The following VPS8 variants were observed in gnomAD, a reference collection of about 807,000 sequenced individuals.
The protein encoded by VPS8 is VPS8 subunit of CORVET complex.
A neutral mutation model predicts 216.4 loss-of-function variants in VPS8; 129 were observed. The observed-to-expected ratio is 0.60, with a 90% CI of 0.52 to 0.69. The LOEUF (loss-of-function observed/expected upper bound fraction) is 0.69, where lower values mean the gene tolerates loss of function less well. Ranked by LOEUF, VPS8 falls within the 30% of genes least tolerant of loss-of-function variation. The pLI is 0.00. For synonymous variants in VPS8, 571 were observed against 565.4 expected (o/e 1.01, Z -0.14); for missense variants, 1,531 against 1,683.5 (o/e 0.91, Z 1.59).
In VPS8 at chr3:184,966,707, G is replaced by A. The variant is rs1161433749; in HGVS notation, c.3310G>A (p.Gly1104Ser). ...CAAACTTCAAGAGGTAACACATCAA[G>A]GTGAAAGTAAGTTCTTGAAAATAAT... ...QSKLQEVTHQ[G>S]ENTKEDPSLK... is the part of the protein sequence containing the mutation. The change falls in exon 39 of 48, where the codon GGT becomes AGT. Residue 1104 changes from glycine (G) to serine (S), a missense_variant. This residue lies in a region of VPS8 where 1,318 missense variants were observed against 1,468.4 expected (regional missense o/e 0.90). Coordinates refer to ENST00000625842, the MANE Select transcript of VPS8 (RefSeq NM_001009921.3). The A allele has an allele frequency of 6.3e-6, 10 of 1,585,570 alleles. No individual in the cohort carries two copies. The highest frequency in any genetic ancestry group is 1.2e-5 in the South Asian group (1 of 85,040).
intron 8 of VPS8, among the ~76,000 whole-genome samples, chr3:184,844,102 C>T (rs577156381): frequency 6.6e-6 from 1 of 152,102 alleles, no homozygotes; most frequent in African/African-American, 2.4e-5. Flanking sequence ...CTCCCTCGGT[C>T]CTAGAGAATA....
intron 34 of VPS8, among the ~76,000 whole-genome samples, chr3:184,933,678 T>A (rs1741106079): frequency 6.6e-6 from 1 of 152,110 alleles, no homozygotes; most frequent in Non-Finnish European, 1.5e-5. Context: ...GGAAGTCGAG[T>A]TAAGTTTTTA....
At chr3:184,925,687 CTAGGTCCATGGTATCGTATCAGGAAACT>C (rs1308716519) in intron 30 of VPS8, among the ~76,000 whole-genome samples, 2 of 151,952 alleles carry the variant, frequency 1.3e-5, no homozygotes, top group Admixed American at 6.5e-5. Context: ...CCATGCTTTG[CTAGGTCCATGGTATCGTATCAGGAAACT>C]TAAAGTTAAG....
intron 21 of VPS8, among the ~76,000 whole-genome samples, chr3:184,885,122 G>T (rs1240838971): frequency 2.0e-5 from 3 of 152,164 alleles, no homozygotes; most frequent in Non-Finnish European, 4.4e-5. Context: ...ATCCTTTTAG[G>T]ATTGTAGGTC....
chr3:184,868,069 A>G lies in VPS8; in HGVS notation c.1506+10A>G. 1 of 1,612,634 alleles carries G rather than the reference A, an allele frequency of 6.2e-7. No homozygotes were observed. The highest frequency in any genetic ancestry group is 2.2e-5 in the East Asian group (1 of 44,836). Reference sequence around the variant, plus strand: ...GAGGAGCTGGAGAGAGGTGAGTTCCAAGTAATTTCACATGTCAGAGTTACT... The same window carrying G: ...GAGGAGCTGGAGAGAGGTGAGTTCCGAGTAATTTCACATGTCAGAGTTACT... On this transcript the variant is annotated intron_variant, in intron 18 of 47. Transcript: ENST00000625842.
chr3:184,924,361 A>T (rs1193717972), intron 29 of VPS8, among the ~76,000 whole-genome samples: 3 of 152,184 alleles, frequency 2.0e-5, no homozygotes, highest in African/African-American at 7.2e-5. Flanking sequence ...TATTAAAAAT[A>T]CAAAAATTAA....
chr3:184,944,675 G>A (rs1462700483), intron 36 of VPS8: 2 of 761,204 alleles, frequency 2.6e-6, no homozygotes, highest in Non-Finnish European at 3.2e-6. Flanking sequence ...TATTCTGAAG[G>A]CCTCTGAAAC....
At chr3:184,932,395 A>C (rs1740845127) in intron 34 of VPS8, among the ~76,000 whole-genome samples, 1 of 152,166 alleles carries the variant, frequency 6.6e-6, no homozygotes, top group Non-Finnish European at 1.5e-5. Context: ...GGTTTTTTGA[A>C]TATGAAAGAT....
At chr3:184,902,614 G>A (rs1437749561) in intron 25 of VPS8, among the ~76,000 whole-genome samples, 7 of 151,418 alleles carry the variant, frequency 4.6e-5, no homozygotes, top group Non-Finnish European at 5.9e-5. Context: ...GGCGGATCAC[G>A]AGGTCAGGAG....
At chr3:184,834,330 G>A (rs1221628021) in intron 4 of VPS8, among the ~76,000 whole-genome samples, 1 of 152,104 alleles carries the variant, frequency 6.6e-6, no homozygotes, top group African/African-American at 2.4e-5. Flanking sequence ...GGTTCAAGGC[G>A]GGTTTAATAC....
chr3:184,831,693 C>T (rs1000850457), intron 3 of VPS8, among the ~76,000 whole-genome samples: 5 of 152,178 alleles, frequency 3.3e-5, no homozygotes, highest in South Asian at 4.1e-4. Flanking sequence ...TCCTCCCATC[C>T]GTACTCCTAC....
intron 42 of VPS8, among the ~76,000 whole-genome samples, chr3:184,993,107 A>G (rs957290371): frequency 1.3e-5 from 2 of 151,600 alleles, no homozygotes; most frequent in African/African-American, 2.4e-5. Flanking sequence ...AAGAGTAGAG[A>G]AAAAAAAAGA....
chr3:185,042,471 A>C (rs1711878525), intron 46 of VPS8, among the ~76,000 whole-genome samples: 1 of 152,228 alleles, frequency 6.6e-6, no homozygotes, highest in African/African-American at 2.4e-5. Flanking sequence ...TTTGCACAGG[A>C]GAGTGGCCCC....
chr3:184,987,875 A>G (rs1160465977), intron 42 of VPS8, among the ~76,000 whole-genome samples: 4 of 152,232 alleles, frequency 2.6e-5, no homozygotes, highest in Non-Finnish European at 4.4e-5. Flanking sequence ...CTGTTGCTCC[A>G]TATCTTAGCA....
intron 13 of VPS8, among the ~76,000 whole-genome samples, chr3:184,854,595 G>A (rs1724899590): frequency 1.3e-5 from 2 of 152,166 alleles, no homozygotes; most frequent in South Asian, 4.1e-4. Flanking sequence ...TGAAGGATAA[G>A]TTGATTTATT....
At chr3:184,955,929 A>G (rs938722572) in intron 36 of VPS8, among the ~76,000 whole-genome samples, 4 of 150,774 alleles carry the variant, frequency 2.7e-5, no homozygotes, top group African/African-American at 7.3e-5. Context: ...ATGGCCAGTC[A>G]CTGAACAAAC....
At chr3:184,868,110 TA>T (rs1727700332) in intron 18 of VPS8, 51 bp downstream of exon 18, 1 of 1,584,420 alleles carries the variant, frequency 6.3e-7, no homozygotes, top group African/African-American at 1.3e-5. Context: ...GGTAGCTTCT[TA>T]ACATTTCTGT....
Position 184,924,975 on chromosome 3 carries a change from T to C in VPS8, c.2568T>C (p.Phe856=), listed in dbSNP as rs1243067386. 1 of 1,613,564 alleles carries C rather than the reference T, an allele frequency of 6.2e-7. No homozygotes were observed. Among genetic ancestry groups the C allele is most frequent in the East Asian group, 2.2e-5 (1 of 44,838 alleles). ...CCTTGTTTGTAAACAGAACACTTTT[T>C]GATCAGGTAAGTGTCTAGCAGTGAA... is the stretch of plus-strand genomic sequence containing the variant. ...DNTLFVNRTL[F]DQVLEFLCSP... Residue 856 remains phenylalanine, a synonymous_variant, in exon 30 of 48, where the codon TTT becomes TTC. Transcript: ENST00000625842.
At chr3:184,874,307 A>G (rs769367) in intron 21 of VPS8, among the ~76,000 whole-genome samples, 2,788 of 152,288 alleles carry the variant, frequency 0.018, 93 homozygotes, top group African/African-American at 0.064. Context: ...TAGATTAGTA[A>G]ATAGTAAATA....
Sources: allele counts gnomAD v4.1 joint callset (sites outside exome capture counted in the v4.1 genomes callset), GRCh38; gene constraint gnomAD v4.1.1; regional missense constraint gnomAD v4.1.1; transcripts MANE v1.5; gene names NCBI Gene and HGNC (gene_info 2026-07-23, HGNC 2026-07-21).